SLC1A2: variants seen among roughly 807,000 people sequenced by gnomAD.
SLC1A2 encodes solute carrier family 1 member 2, also known as excitatory amino acid transporter 2.
Under a neutral mutation model 48.8 loss-of-function variants are expected in SLC1A2, and 15 were observed. The ratio of observed to expected loss-of-function variants is 0.31; its 90% CI spans 0.21 to 0.47. The LOEUF (loss-of-function observed/expected upper bound fraction) is 0.47, where lower values mean the gene tolerates loss of function less well. Ranked by LOEUF, SLC1A2 falls within the 20% of genes least tolerant of loss-of-function variation. The pLI is 0.99. For missense variants in SLC1A2, 502 were observed against 730.5 expected (o/e 0.69, Z 3.61); for synonymous variants, 279 against 272.6 (o/e 1.02, Z -0.23).
In SLC1A2 at chr11:35,301,507, A is replaced by G. The variant is rs200702624; in HGVS notation, c.857+12T>C. 1.1e-5 allele frequency: 17 copies of G among 1,613,092 alleles called. No homozygotes were observed. In the African/African-American group the frequency reaches 2.0e-4, roughly 19 times the overall value. ...CAACCCACTGCTAAGAAGTAAGAAC[A>G]AGGCCACTTACCACATGATCATGAT... On this transcript the variant is annotated intron_variant, in intron 6 of 10. Transcript: ENST00000278379.
intron 1 of SLC1A2, among the ~76,000 whole-genome samples, chr11:35,388,561 A>G (rs745473968): frequency 6.6e-6 from 1 of 151,980 alleles, no homozygotes; most frequent in East Asian, 1.9e-4. Flanking sequence ...GCCTGTTTAA[A>G]TTTTTGTATT....
chr11:35,316,237 A>T (rs1171797364), intron 2 of SLC1A2: 2 of 152,266 alleles, frequency 1.3e-5, no homozygotes, highest in Non-Finnish European at 2.9e-5. Context: ...ATGGGTGGCC[A>T]ACATGAATGA....
intron 1 of SLC1A2, among the ~76,000 whole-genome samples, chr11:35,372,039 G>A (rs561185487): frequency 6.6e-6 from 1 of 152,326 alleles, no homozygotes; most frequent in South Asian, 2.1e-4. Context: ...TCCCCCATCA[G>A]TCATGGTGCC....
intron 6 of SLC1A2, among the ~76,000 whole-genome samples, chr11:35,300,951 G>T (rs867897869): frequency 7.2e-5 from 11 of 152,140 alleles, no homozygotes; most frequent in Admixed American, 6.5e-5. Context: ...CTACAGTGAG[G>T]GAGGCCGAGC....
At chr11:35,379,753 A>G (rs1005696265) in intron 1 of SLC1A2, among the ~76,000 whole-genome samples, 1 of 152,184 alleles carries the variant, frequency 6.6e-6, no homozygotes. Context: ...TTTAATTTAA[A>G]TCCCAGGATC....
chr11:35,320,298 C>T (rs1167356010), intron 1 of SLC1A2, among the ~76,000 whole-genome samples: 2 of 152,170 alleles, frequency 1.3e-5, no homozygotes, highest in Admixed American at 6.5e-5. Flanking sequence ...ACACTATACT[C>T]AGTAATGGGT....
intron 1 of SLC1A2, among the ~76,000 whole-genome samples, chr11:35,365,016 G>A (rs1315869281): frequency 1.3e-5 from 2 of 152,212 alleles, no homozygotes; most frequent in African/African-American, 4.8e-5. Flanking sequence ...GTAAGACTGT[G>A]AAACTAGCAA....
chr11:35,271,294 T>C (rs1358994633), intron 9 of SLC1A2, among the ~76,000 whole-genome samples: 1 of 152,166 alleles, frequency 6.6e-6, no homozygotes, highest in African/African-American at 2.4e-5. Context: ...AGACTGATGG[T>C]CAGGAGACAC....
chr11:35,361,737 G>A (rs990700233), intron 1 of SLC1A2, among the ~76,000 whole-genome samples: 1 of 152,182 alleles, frequency 6.6e-6, no homozygotes, highest in Non-Finnish European at 1.5e-5. Flanking sequence ...AGCACTTTGG[G>A]AGGCCTAGGC....
intron 10 of SLC1A2, among the ~76,000 whole-genome samples, chr11:35,263,149 C>T (rs1010576725): frequency 6.6e-6 from 1 of 152,114 alleles, no homozygotes; most frequent in African/African-American, 2.4e-5. Flanking sequence ...CCTTATAGGG[C>T]TTGAAATAGT....
intron 1 of SLC1A2, chr11:35,371,036 C>A: frequency 3.0e-6 from 3 of 985,090 alleles, no homozygotes; most frequent in Non-Finnish European, 3.6e-6. Flanking sequence ...GAGTTTTGAG[C>A]TGTTTTCTTG....
intron 1 of SLC1A2, among the ~76,000 whole-genome samples, chr11:35,411,037 T>C (rs541343646): frequency 8.5e-5 from 13 of 152,184 alleles, no homozygotes; most frequent in Admixed American, 4.6e-4. Flanking sequence ...GAGTTCTACA[T>C]TTGAAATGTT....
intron 8 of SLC1A2, chr11:35,286,141 T>C (rs1850812194): frequency 6.6e-6 from 1 of 152,198 alleles, no homozygotes; most frequent in Admixed American, 6.5e-5. Flanking sequence ...AGGAAAATGT[T>C]CTTTCTGAAT....
chr11:35,292,052 T>C, intron 7 of SLC1A2: 1 of 490,478 alleles, frequency 2.0e-6, no homozygotes, highest in South Asian at 3.2e-5. Context: ...CTGAAAAATT[T>C]AATGTGAGAT....
chr11:35,282,003 C>G (rs1434883246), intron 8 of SLC1A2: 6 of 152,076 alleles, frequency 3.9e-5, no homozygotes, highest in Non-Finnish European at 5.9e-5. Flanking sequence ...CAACTAAATC[C>G]AGGCCATCAG....
intron 1 of SLC1A2, among the ~76,000 whole-genome samples, chr11:35,348,031 A>G (rs995485837): frequency 6.6e-6 from 1 of 152,222 alleles, no homozygotes; most frequent in East Asian, 1.9e-4. Flanking sequence ...TCCATGTGAC[A>G]AGTCTGGGCG....
intron 6 of SLC1A2, among the ~76,000 whole-genome samples, chr11:35,296,845 T>C (rs2134769633): frequency 6.6e-6 from 1 of 152,226 alleles, no homozygotes; most frequent in Middle Eastern, 3.4e-3. Context: ...GCACGGCACT[T>C]ATTACTATTC....
intron 1 of SLC1A2, among the ~76,000 whole-genome samples, chr11:35,372,718 G>C (rs944243780): frequency 5.9e-5 from 9 of 152,120 alleles, no homozygotes; most frequent in Non-Finnish European, 8.8e-5. Context: ...ATAATAAATT[G>C]TAATCAATAA....
rs1469307552 is a variant in SLC1A2 at position 35,302,765 on chromosome 11, C to T, written c.731-1120G>A. ...GCTCAGGCCTGCAGTCTCACTCCAA[C>T]GCATCCAGGGACTGGGGCACATTGT... On this transcript the variant is annotated intron_variant, in intron 5 of 10. Transcript: ENST00000278379. 2.6e-5 allele frequency among the ~76,000 whole-genome samples: 4 copies of T among 151,700 alleles called. No homozygotes were observed. In the South Asian group the frequency reaches 6.3e-4, roughly 24 times the overall value.
Sources: allele counts gnomAD v4.1 joint callset (sites outside exome capture counted in the v4.1 genomes callset), GRCh38; gene constraint gnomAD v4.1.1; transcripts MANE v1.5; gene names NCBI Gene and HGNC (gene_info 2026-07-23, HGNC 2026-07-21).